BTBD2: variants seen among roughly 807,000 people sequenced by gnomAD.
BTBD2 encodes BTB/POZ domain-containing protein 2.
Under a neutral mutation model 44.0 loss-of-function variants are expected in BTBD2, and 15 were observed. The observed-to-expected ratio is 0.34, with a 90% CI of 0.23 to 0.53. BTBD2 has a LOEUF of 0.53. Among genes scored for constraint, BTBD2 ranks in the 20% least tolerant of loss-of-function variants. BTBD2 has a pLI of 0.95. For synonymous variants in BTBD2, 443 were observed against 335.9 expected, an observed-to-expected ratio of 1.32 and a Z score of -3.49; for missense variants, 657 against 746.4, an observed-to-expected ratio of 0.88 and a Z score of 1.39.
chr19:1,992,864 G>A (rs1259279978), intron 3 of BTBD2, among the ~76,000 whole-genome samples, 156 bp downstream of exon 3: 2 of 152,118 alleles, frequency 1.3e-5, no homozygotes, highest in Non-Finnish European at 2.9e-5. Context: ...GAGCAACCAC[G>A]CCCGGCCCAA....
At chr19:2,007,690 G>C (rs1355423520) in intron 1 of BTBD2, among the ~76,000 whole-genome samples, 1 of 152,172 alleles carries the variant, frequency 6.6e-6, no homozygotes, top group Non-Finnish European at 1.5e-5. Flanking sequence ...GCCGGGTGTG[G>C]TGGTGCACAC....
chr19:2,000,023 A>C (rs1396110378), intron 1 of BTBD2, among the ~76,000 whole-genome samples: 1 of 151,962 alleles, frequency 6.6e-6, no homozygotes, highest in Non-Finnish European at 1.5e-5. Flanking sequence ...GGCCGCATGA[A>C]GCAGGGACTG....
intron 1 of BTBD2, among the ~76,000 whole-genome samples, chr19:2,002,246 A>T (rs2145640388): frequency 6.6e-6 from 1 of 152,218 alleles, no homozygotes; most frequent in South Asian, 2.1e-4. Flanking sequence ...ATGCCCAGCT[A>T]ACTGTTAAAT....
At chr19:2,007,784 T>C (rs2016413235) in intron 1 of BTBD2, among the ~76,000 whole-genome samples, 2 of 152,124 alleles carry the variant, frequency 1.3e-5, no homozygotes, top group African/African-American at 4.8e-5. Context: ...GCCAAGATCA[T>C]GCCACTGCAC....
chr19:2,014,982 A>C (rs1477277267), intron 1 of BTBD2, among the ~76,000 whole-genome samples: 2 of 140,778 alleles, frequency 1.4e-5, no homozygotes, highest in Non-Finnish European at 3.1e-5. Flanking sequence ...AGCCCAGGGA[A>C]CTGGGTGGAG....
At chr19:2,006,496 G>C (rs2016395767) in intron 1 of BTBD2, among the ~76,000 whole-genome samples, 1 of 139,170 alleles carries the variant, frequency 7.2e-6, no homozygotes, top group Non-Finnish European at 1.5e-5. Context: ...GACAGAGCGA[G>C]ACTCCGTCTC....
intron 1 of BTBD2, among the ~76,000 whole-genome samples, chr19:2,007,113 C>A (rs1163586861): frequency 6.6e-6 from 1 of 152,180 alleles, no homozygotes; most frequent in Non-Finnish European, 1.5e-5. Flanking sequence ...GCCTCGGCCT[C>A]CCAAAGTGCT....
intron 2 of BTBD2, among the ~76,000 whole-genome samples, chr19:1,993,629 T>C (rs1047387367): frequency 1.3e-5 from 2 of 151,976 alleles, no homozygotes; most frequent in African/African-American, 2.4e-5. Flanking sequence ...TGGATAATCA[T>C]GGACGCTATT....
chr19:2,006,949 C>G (rs961999665), intron 1 of BTBD2, among the ~76,000 whole-genome samples: 1 of 152,132 alleles, frequency 6.6e-6, no homozygotes. Context: ...CCTCTGCTGC[C>G]CAGGTTCAAG....
intron 4 of BTBD2, 45 bp downstream of exon 4, chr19:1,990,672 C>G: frequency 6.8e-7 from 1 of 1,460,236 alleles, no homozygotes; most frequent in Non-Finnish European, 9.3e-7. Context: ...ACCCTCCCGC[C>G]GAGGCCCCGC....
intron 5 of BTBD2, chr19:1,988,009 CTGTGGG>C (rs1281623849): frequency 3.1e-6 from 1 of 318,752 alleles, no homozygotes; most frequent in African/African-American, 2.2e-5. Flanking sequence ...CGTCACTTCA[CTGTGGG>C]TGGGGGCGGG....
At chr19:1,999,812 A>T (rs1466704325) in intron 1 of BTBD2, among the ~76,000 whole-genome samples, 1 of 151,760 alleles carries the variant, frequency 6.6e-6, no homozygotes, top group Non-Finnish European at 1.5e-5. Flanking sequence ...AAATACAAAA[A>T]TTAGCTGGGC....
intron 2 of BTBD2, among the ~76,000 whole-genome samples, chr19:1,994,654 G>A (rs1284844103): frequency 6.6e-6 from 1 of 151,976 alleles, no homozygotes; most frequent in Non-Finnish European, 1.5e-5. Context: ...AGGTACTCAG[G>A]AGGCTGATGC....
chr19:2,002,043 G>C (rs2016336780), intron 1 of BTBD2, among the ~76,000 whole-genome samples: 1 of 151,982 alleles, frequency 6.6e-6, no homozygotes, highest in Non-Finnish European at 1.5e-5. Flanking sequence ...GCCTGGAAGA[G>C]ATGTCCTTTA....
chr19:1,997,523 G>A, intron 1 of BTBD2, 60 bp from the exon 2 acceptor site: 1 of 1,603,188 alleles, frequency 6.2e-7, no homozygotes, highest in Admixed American at 1.7e-5. Flanking sequence ...CGGCCGGGAG[G>A]GCCAGCCCGG....
intron 1 of BTBD2, chr19:2,014,187 G>C (rs1283650389): frequency 6.6e-6 from 1 of 152,102 alleles, no homozygotes; most frequent in East Asian, 1.9e-4. Flanking sequence ...CCTGGGTACA[G>C]GGACGGAGGG....
At chr19:2,000,487 C>G (rs886633062) in intron 1 of BTBD2, among the ~76,000 whole-genome samples, 3 of 152,238 alleles carry the variant, frequency 2.0e-5, no homozygotes, top group Admixed American at 2.0e-4. Context: ...AGTTTGGAAT[C>G]AGGGAGCACC....
Position 1,990,841 on chromosome 19 carries a change from G to C in BTBD2, c.685-19C>G. The stretch of plus-strand genomic sequence containing the variant: ...GTCGCGCCTGGCAAGAGACATCGAC[G>C]GGGGGCGCGGTGGGGACATCAGCAC... On this transcript the variant is annotated intron_variant, in intron 3 of 8. Coordinates refer to ENST00000255608, the MANE Select transcript of BTBD2 (RefSeq NM_017797.4). 2 of 1,540,976 alleles carry C rather than the reference G, an allele frequency of 1.3e-6. No individual in the cohort carries two copies. Among genetic ancestry groups the C allele is most frequent in the South Asian group, 1.2e-5 (1 of 84,092 alleles).
intron 1 of BTBD2, among the ~76,000 whole-genome samples, chr19:2,010,732 C>T (rs1399197466): frequency 2.0e-5 from 3 of 152,086 alleles, no homozygotes; most frequent in East Asian, 1.9e-4. Flanking sequence ...TTCTGCCTTC[C>T]GGATTCAAGC....
Sources: allele counts gnomAD v4.1 joint callset (sites outside exome capture counted in the v4.1 genomes callset), GRCh38; gene constraint gnomAD v4.1.1; transcripts MANE v1.5; gene names NCBI Gene and HGNC (gene_info 2026-07-23, HGNC 2026-07-21).